Variants in CREB5 observed in about 807,000 individuals in gnomAD.
CREB5 encodes the protein cAMP responsive element binding protein 5, also known as cyclic AMP-responsive element-binding protein 5.
In CREB5, 19 loss-of-function variants were observed where a neutral mutation model predicts 57.1. That is an observed-to-expected ratio of 0.33 (90% CI 0.23 to 0.49). The LOEUF is 0.49. Ranked by LOEUF, CREB5 falls within the 20% of genes least tolerant of loss-of-function variation. The probability of loss-of-function intolerance (pLI) is 0.99; values close to 1 mark genes in which losing one functional copy is unlikely to be tolerated. For synonymous variants in CREB5, 238 were observed against 238.3 expected (o/e 1.00, Z 0.01); for missense variants, 579 against 671.6 (o/e 0.86, Z 1.52).
chr7:28,544,451 C>T lies in CREB5; in HGVS notation c.292-25914C>T, dbSNP rs1794336628. 3.9e-5 allele frequency among the ~76,000 whole-genome samples: 6 copies of T among 152,334 alleles called. No individual in the cohort carries two copies. In the South Asian group the frequency reaches 1.2e-3, roughly 32 times the overall value. The stretch of plus-strand genomic sequence containing the variant: ...TATAATAACAGTCTCCTGCAAATTT[C>T]CTAGTATGCACATCTTTTAAATTTA... On this transcript the variant is annotated intron_variant, in intron 4 of 10. Coordinates refer to ENST00000357727, the MANE Select transcript of CREB5 (RefSeq NM_182898.4).
intron 1 of CREB5, among the ~76,000 whole-genome samples, chr7:28,373,456 T>G (rs1786756309): frequency 6.6e-6 from 1 of 151,600 alleles, no homozygotes; most frequent in African/African-American, 2.4e-5. Flanking sequence ...TTTTTTTTTT[T>G]TTGAGACAGA....
intron 1 of CREB5, among the ~76,000 whole-genome samples, chr7:28,357,650 C>G (rs534887785): frequency 3.9e-5 from 6 of 152,128 alleles, no homozygotes. Context: ...TGCGTGACTT[C>G]GTGTGCATGG....
intron 4 of CREB5, among the ~76,000 whole-genome samples, chr7:28,560,933 T>TGCGCGCGC (rs1224485964): frequency 2.0e-5 from 1 of 49,348 alleles, no homozygotes. Context: ...CGCGTGCGTG[T>TGCGCGCGC]GTGCGTGCGT....
At chr7:28,363,897 C>A (rs542681901) in intron 1 of CREB5, among the ~76,000 whole-genome samples, 1 of 152,202 alleles carries the variant, frequency 6.6e-6, no homozygotes, top group East Asian at 1.9e-4. Flanking sequence ...TATCATATTC[C>A]ATTGATATGC....
At chr7:28,316,010 TA>T (rs1239702916) in intron 1 of CREB5, among the ~76,000 whole-genome samples, 3 of 152,220 alleles carry the variant, frequency 2.0e-5, no homozygotes, top group African/African-American at 7.2e-5. Flanking sequence ...GCAAGTGCTG[TA>T]AAAGAGACCT....
At chr7:28,491,217 G>C (rs1791791617) in intron 2 of CREB5, 2 of 985,334 alleles carry the variant, frequency 2.0e-6, no homozygotes, top group Non-Finnish European at 2.4e-6. Flanking sequence ...TTAAAGGATA[G>C]CCGAGCTGGA....
intron 5 of CREB5, among the ~76,000 whole-genome samples, chr7:28,697,956 A>G (rs1369242947): frequency 6.6e-6 from 1 of 152,198 alleles, no homozygotes; most frequent in Non-Finnish European, 1.5e-5. Context: ...CTGGGTTCTC[A>G]AAAAGAAAGG....
intron 3 of CREB5, among the ~76,000 whole-genome samples, chr7:28,506,761 A>G (rs1369415367): frequency 6.6e-6 from 1 of 152,208 alleles, no homozygotes; most frequent in Admixed American, 6.5e-5. Flanking sequence ...TGGAAGTGCA[A>G]TTCTACTCTA....
chr7:28,779,918 G>A (rs1305156538), intron 7 of CREB5, among the ~76,000 whole-genome samples: 1 of 152,042 alleles, frequency 6.6e-6, no homozygotes, highest in Non-Finnish European at 1.5e-5. Flanking sequence ...AAGCTGTGGT[G>A]TGTACACTTT....
intron 1 of CREB5, among the ~76,000 whole-genome samples, chr7:28,445,010 G>A (rs371935538): frequency 1.3e-5 from 2 of 152,190 alleles, no homozygotes; most frequent in East Asian, 1.9e-4. Context: ...GAGGGAGCTG[G>A]TAGGGGGTAA....
chr7:28,733,768 A>G (rs1228870159), intron 7 of CREB5, among the ~76,000 whole-genome samples: 1 of 152,154 alleles, frequency 6.6e-6, no homozygotes, highest in Non-Finnish European at 1.5e-5. Context: ...TCTCTCCTGT[A>G]CTTGCTAGGT....
rs565019508 is a variant in CREB5 at position 28,495,309 on chromosome 7, G to A, written c.169+310G>A. 7.9e-5 allele frequency among the ~76,000 whole-genome samples: 12 copies of A among 152,148 alleles called. No individual in the cohort carries two copies. In the South Asian group the frequency reaches 1.5e-3, roughly 18 times the overall value. On this transcript the variant is annotated intron_variant, in intron 3 of 10. Transcript: ENST00000357727. ...TCCCAGCAGTTTGGGAGGCTGAGGTGGGCAGATCACTTGAGGTCAGGAGTT... is the reference window on the plus strand; with the variant it reads ...TCCCAGCAGTTTGGGAGGCTGAGGTAGGCAGATCACTTGAGGTCAGGAGTT...
intron 4 of CREB5, among the ~76,000 whole-genome samples, chr7:28,524,727 C>T (rs1793367116): frequency 6.6e-6 from 1 of 152,100 alleles, no homozygotes; most frequent in South Asian, 2.1e-4. Context: ...CATATTTGTA[C>T]ACACTTATGT....
chr7:28,604,456 G>A (rs1039520553), intron 5 of CREB5, among the ~76,000 whole-genome samples: 7 of 152,068 alleles, frequency 4.6e-5, no homozygotes, highest in African/African-American at 1.4e-4. Context: ...TCATTCAGAA[G>A]AATCAAAACT....
At chr7:28,549,367 G>A (rs1264029097) in intron 4 of CREB5, among the ~76,000 whole-genome samples, 1 of 152,202 alleles carries the variant, frequency 6.6e-6, no homozygotes, top group East Asian at 1.9e-4. Flanking sequence ...GGAGCACACA[G>A]TTTGGAAACT....
At chr7:28,790,453 AG>A (rs1322033242) in intron 7 of CREB5, among the ~76,000 whole-genome samples, 7 of 35,042 alleles carry the variant, frequency 2.0e-4, no homozygotes, top group African/African-American at 1.0e-3. Flanking sequence ...AGAGAGAGAG[AG>A]AGAGAGATAG....
At chr7:28,488,035 A>T (rs1034329135) in intron 1 of CREB5, 140 bp from the exon 2 acceptor site, 10 of 679,968 alleles carry the variant, frequency 1.5e-5, no homozygotes, top group Middle Eastern at 2.7e-4. Context: ...GCTCACTCAC[A>T]TTAATGTTCT....
chr7:28,807,293 A>G (rs937024682), intron 8 of CREB5, among the ~76,000 whole-genome samples: 14 of 152,070 alleles, frequency 9.2e-5, no homozygotes, highest in Admixed American at 9.2e-4. Context: ...CTAAAAAACT[A>G]CAAAAATTAG....
At chr7:28,564,851 A>G (rs1203475415) in intron 4 of CREB5, among the ~76,000 whole-genome samples, 1 of 152,206 alleles carries the variant, frequency 6.6e-6, no homozygotes. Context: ...ATGAAGAAAA[A>G]TCAACGTTTG....
Sources: gnomAD v4.1 joint callset for allele counts (sites outside exome capture counted in the v4.1 genomes callset) on GRCh38, gnomAD v4.1.1 for gene constraint, MANE v1.5 for transcripts, NCBI Gene and HGNC (gene_info 2026-07-23, HGNC 2026-07-21) for gene names.